TMPRSS11D: variants seen among roughly 807,000 people sequenced by gnomAD.
TMPRSS11D encodes the protein transmembrane serine protease 11D, also known as transmembrane protease serine 11D.
A neutral mutation model predicts 44.4 loss-of-function variants in TMPRSS11D; 32 were observed. The ratio of observed to expected loss-of-function variants is 0.72; its 90% CI spans 0.54 to 0.97. The LOEUF is 0.97. Ranked by LOEUF, TMPRSS11D falls within the 50% of genes least tolerant of loss-of-function variation. TMPRSS11D has a pLI of 0.00. For synonymous variants in TMPRSS11D, 179 were observed against 177.9 expected (o/e 1.01, Z -0.05); for missense variants, 446 against 502.6 (o/e 0.89, Z 1.08).
At chr4:67,860,952 G>A (rs573812266) in intron 1 of TMPRSS11D, among the ~76,000 whole-genome samples, 1 of 152,184 alleles carries the variant, frequency 6.6e-6, no homozygotes, top group South Asian at 2.1e-4. Flanking sequence ...GTATGCTGTG[G>A]CACTGGAACT....
intron 1 of TMPRSS11D, among the ~76,000 whole-genome samples, chr4:67,866,619 A>G (rs927420300): frequency 6.6e-6 from 1 of 152,116 alleles, no homozygotes; most frequent in Non-Finnish European, 1.5e-5. Flanking sequence ...CCTAGATTTG[A>G]TAAATGACTT....
chr4:67,860,815 G>A (rs1469122333), intron 1 of TMPRSS11D, among the ~76,000 whole-genome samples: 3 of 152,102 alleles, frequency 2.0e-5, no homozygotes, highest in East Asian at 1.9e-4. Flanking sequence ...AGAAGGGTAT[G>A]TTCTGAGGGT....
intron 8 of TMPRSS11D, 89 bp downstream of exon 8, chr4:67,827,172 C>G: frequency 6.8e-7 from 1 of 1,461,372 alleles, no homozygotes; most frequent in Non-Finnish European, 9.2e-7. Flanking sequence ...AATAGAAACA[C>G]CTATTCCAGA....
chr4:67,826,700 G>A (rs1717800045), intron 8 of TMPRSS11D, among the ~76,000 whole-genome samples: 1 of 150,518 alleles, frequency 6.6e-6, no homozygotes, highest in African/African-American at 2.4e-5. Context: ...AAGGCAGGAG[G>A]ATGGCTTGAG....
intron 6 of TMPRSS11D, among the ~76,000 whole-genome samples, chr4:67,834,236 G>C (rs1266377353): frequency 6.6e-6 from 1 of 151,640 alleles, no homozygotes; most frequent in Non-Finnish European, 1.5e-5. Flanking sequence ...GTAGTGCCCT[G>C]GTTTAATAGC....
chr4:67,835,234 T>TG lies in TMPRSS11D; in HGVS notation c.476-114dup, dbSNP rs1311055489. 107 of 1,001,102 alleles carry TG rather than the reference T, an allele frequency of 1.1e-4. 1 individual carries two copies. Among genetic ancestry groups the TG allele is most frequent in the African/African-American group, 4.3e-4 (26 of 61,076 alleles). 62.0% of individuals were successfully genotyped at this position (1,001,102 alleles called of 1,614,324 possible). A position where few individuals can be genotyped will look rare whatever the true frequency, so the allele number is the denominator to read the frequency against. ...AAGAAGCAGAATTACTTGTTGGGGT[T>TG]GGGAGGTGGTCCTCTAAAATGCAGA... On this transcript the variant is annotated intron_variant, in intron 5 of 9. Transcript: ENST00000283916.
intron 1 of TMPRSS11D, among the ~76,000 whole-genome samples, chr4:67,862,277 A>C (rs1437556928): frequency 6.6e-6 from 1 of 152,088 alleles, no homozygotes; most frequent in Non-Finnish European, 1.5e-5. Flanking sequence ...TTGCATTTTA[A>C]ATATAGGAAA....
At position 67,821,237 on chromosome 4, in the gene TMPRSS11D, G is replaced by A. The variant is rs1347642160; in HGVS notation, c.*1100C>T. ...GATTTAATTTACATTATATTCTTTG[G>A]TGGGGGAGGCATGTGTATGAGAAGG... On this transcript the variant is annotated 3_prime_UTR_variant, in exon 10 of 10. Coordinates refer to ENST00000283916, the MANE Select transcript of TMPRSS11D (RefSeq NM_004262.3). The A allele has an allele frequency of 6.6e-6, 1 of 152,074 alleles. No homozygotes were observed. The highest frequency in any genetic ancestry group is 2.4e-5 in the African/African-American group (1 of 41,378). 9.4% of individuals were successfully genotyped at this position (152,074 alleles called of 1,614,324 possible). A position where few individuals can be genotyped will look rare whatever the true frequency, so the allele number is the denominator to read the frequency against.
At chr4:67,842,482 T>A (rs1021973503) in intron 4 of TMPRSS11D, 76 bp downstream of exon 4, 3 of 1,190,750 alleles carry the variant, frequency 2.5e-6, no homozygotes, top group Admixed American at 3.5e-5. Flanking sequence ...TGTCATTTAC[T>A]ATTCATTCTG....
chr4:67,874,002 T>G (rs906308184), intron 1 of TMPRSS11D, among the ~76,000 whole-genome samples: 3 of 152,196 alleles, frequency 2.0e-5, no homozygotes, highest in African/African-American at 7.2e-5. Flanking sequence ...ACAGATCGCA[T>G]GTATGACAGT....
intron 8 of TMPRSS11D, among the ~76,000 whole-genome samples, chr4:67,826,800 T>C (rs1717805249): frequency 1.3e-5 from 2 of 151,130 alleles, no homozygotes; most frequent in Admixed American, 1.3e-4. Flanking sequence ...TACACACTTA[T>C]TTATAATTCT....
intron 4 of TMPRSS11D, among the ~76,000 whole-genome samples, chr4:67,840,174 G>A (rs1337298100): frequency 2.0e-5 from 3 of 151,926 alleles, no homozygotes; most frequent in Non-Finnish European, 4.4e-5. Context: ...TTTTTCTCAC[G>A]GAGCTATAAA....
intron 3 of TMPRSS11D, among the ~76,000 whole-genome samples, chr4:67,852,126 G>T (rs1438913779): frequency 6.6e-6 from 1 of 152,198 alleles, no homozygotes; most frequent in Non-Finnish European, 1.5e-5. Context: ...CTTCCTGAAG[G>T]TGTTGGTTGA....
At chr4:67,833,526 G>A (rs1179142514) in intron 6 of TMPRSS11D, 145 bp from the exon 7 acceptor site, 4 of 671,412 alleles carry the variant, frequency 6.0e-6, no homozygotes, top group East Asian at 6.5e-5. Context: ...AAGCATGATC[G>A]ATATATTTCT....
chr4:67,870,771 G>T (rs1302770336), intron 1 of TMPRSS11D, among the ~76,000 whole-genome samples: 1 of 144,064 alleles, frequency 6.9e-6, no homozygotes, highest in Non-Finnish European at 1.5e-5. Flanking sequence ...CGGAGATGGC[G>T]CCACTGCATT....
intron 1 of TMPRSS11D, among the ~76,000 whole-genome samples, chr4:67,861,575 A>G (rs886236032): frequency 1.3e-5 from 2 of 152,104 alleles, no homozygotes; most frequent in Admixed American, 1.3e-4. Flanking sequence ...GAAGAACTGT[A>G]AAGAAGGATT....
intron 7 of TMPRSS11D, among the ~76,000 whole-genome samples, chr4:67,832,297 AT>A: frequency 6.6e-6 from 1 of 152,226 alleles, no homozygotes; most frequent in South Asian, 2.1e-4. Context: ...TCAAATCTCC[AT>A]TATTTTTCTG....
At chr4:67,840,386 T>G (rs1021371669) in intron 4 of TMPRSS11D, among the ~76,000 whole-genome samples, 1 of 152,054 alleles carries the variant, frequency 6.6e-6, no homozygotes, top group Admixed American at 6.6e-5. Flanking sequence ...ATGTGGGTAT[T>G]ATGGGAACCA....
At chr4:67,879,352 G>T (rs1365204774) in intron 1 of TMPRSS11D, among the ~76,000 whole-genome samples, 2 of 151,702 alleles carry the variant, frequency 1.3e-5, no homozygotes, top group African/African-American at 2.4e-5. Flanking sequence ...GCAGTGGTAG[G>T]CGCCTGTAGA....
Sources: allele counts gnomAD v4.1 joint callset (sites outside exome capture counted in the v4.1 genomes callset), GRCh38; gene constraint gnomAD v4.1.1; transcripts MANE v1.5; gene names NCBI Gene and HGNC (gene_info 2026-07-23, HGNC 2026-07-21).